The following PRKCA variants were observed in gnomAD, a reference collection of about 807,000 sequenced individuals.
PRKCA encodes protein kinase C alpha, also known as protein kinase C alpha type.
Under a neutral mutation model 87.0 loss-of-function variants are expected in PRKCA, and 27 were observed. The observed-to-expected ratio is 0.31, with a 90% CI of 0.23 to 0.43. PRKCA has a LOEUF of 0.43. PRKCA is among the 20% of genes least tolerant of loss of function. The probability of loss-of-function intolerance (pLI) is 1.00; values close to 1 mark genes in which losing one functional copy is unlikely to be tolerated. For missense variants in PRKCA, 518 were observed against 852.3 expected (o/e 0.61, Z 4.88); for synonymous variants, 329 against 311.1 (o/e 1.06, Z -0.61).
chr17:66,355,404 G>T (rs576081030), intron 2 of PRKCA, among the ~76,000 whole-genome samples: 523 of 152,310 alleles, frequency 3.4e-3, no homozygotes, highest in Non-Finnish European at 6.2e-3. Context: ...TGCTTGTGCA[G>T]TGGTGATGGA....
In PRKCA at chr17:66,786,110, G is replaced by A. The variant is rs1975385719; in HGVS notation, c.1606-757G>A. On this transcript the variant is annotated intron_variant, in intron 14 of 16. Transcript: ENST00000413366. Reference sequence around the variant, plus strand: ...CCCAAAGTGCTGGGATTACAGGCGTGAGCCACCGCGCCCGGCCTGGAGAAC... The same window carrying A: ...CCCAAAGTGCTGGGATTACAGGCGTAAGCCACCGCGCCCGGCCTGGAGAAC... Among the ~76,000 whole-genome samples the A allele has an allele frequency of 3.3e-5, 5 of 152,298 alleles. No homozygotes were observed. The South Asian group carries it at 1.0e-3, about 32-fold the overall frequency.
At chr17:66,314,995 A>G (rs944134388) in intron 2 of PRKCA, among the ~76,000 whole-genome samples, 2 of 151,716 alleles carry the variant, frequency 1.3e-5, no homozygotes, top group African/African-American at 2.4e-5. Flanking sequence ...GTGTATATAT[A>G]TGTGTATATA....
rs758032424 is a variant in PRKCA at position 66,396,432 on chromosome 17, C to T, written c.205+90305C>T. 5.3e-4 allele frequency among the ~76,000 whole-genome samples: 80 copies of T among 152,100 alleles called. 1 individual carries two copies. Among genetic ancestry groups the T allele is most frequent in the Admixed American group, 4.9e-3 (75 of 15,256 alleles). On this transcript the variant is annotated intron_variant, in intron 2 of 16. Transcript: ENST00000413366. ...GCCAATTTGAAAGAGAATAAATCAT[C>T]CATAATGCCATATCTTTACAGTCTT...
At chr17:66,352,404 T>C (rs144604467) in intron 2 of PRKCA, among the ~76,000 whole-genome samples, 2,079 of 152,116 alleles carry the variant, frequency 0.014, 54 homozygotes, top group African/African-American at 0.048. Flanking sequence ...GAGCAGGGCA[T>C]GGGCTCTGCA....
intron 8 of PRKCA, among the ~76,000 whole-genome samples, chr17:66,725,802 C>T (rs1001687015): frequency 7.5e-6 from 1 of 134,100 alleles, no homozygotes; most frequent in African/African-American, 2.6e-5. Context: ...AGAGTGAGAC[C>T]CTGTCTAGAA....
chr17:66,394,987 C>T (rs893801331), intron 2 of PRKCA, among the ~76,000 whole-genome samples: 7 of 152,320 alleles, frequency 4.6e-5, no homozygotes, highest in South Asian at 4.2e-4. Flanking sequence ...ATAATTGGAA[C>T]AGGCAGCATG....
At chr17:66,658,207 C>A (rs894663964) in intron 5 of PRKCA, among the ~76,000 whole-genome samples, 2 of 152,136 alleles carry the variant, frequency 1.3e-5, no homozygotes, top group African/African-American at 4.8e-5. Flanking sequence ...CAGCCGGGCA[C>A]AGTGGCTCAT....
intron 5 of PRKCA, among the ~76,000 whole-genome samples, chr17:66,664,692 C>T (rs1447693684): frequency 2.0e-5 from 2 of 98,392 alleles, no homozygotes; most frequent in Non-Finnish European, 3.7e-5. Flanking sequence ...CTTGCTGTTT[C>T]ACTCAGGCTG....
intron 2 of PRKCA, among the ~76,000 whole-genome samples, chr17:66,466,363 C>G (rs1915088798): frequency 6.6e-6 from 1 of 152,072 alleles, no homozygotes; most frequent in Non-Finnish European, 1.5e-5. Context: ...GAAGCCAGAC[C>G]CAGGGAGCCC....
chr17:66,691,040 C>A (rs962285362), intron 8 of PRKCA, among the ~76,000 whole-genome samples: 4 of 151,470 alleles, frequency 2.6e-5, no homozygotes, highest in Admixed American at 2.6e-4. Context: ...ATCACTTGAA[C>A]CTGGGCACGA....
chr17:66,493,099 T>C (rs1367295543), intron 2 of PRKCA, among the ~76,000 whole-genome samples: 1 of 152,244 alleles, frequency 6.6e-6, no homozygotes, highest in Non-Finnish European at 1.5e-5. Flanking sequence ...ATTTTCTTTT[T>C]TAAAATGTAT....
chr17:66,391,184 C>A (rs1183584882), intron 2 of PRKCA, among the ~76,000 whole-genome samples: 5 of 152,186 alleles, frequency 3.3e-5, no homozygotes, highest in Non-Finnish European at 5.9e-5. Context: ...AGGTTGTCGT[C>A]CCTACTGTTT....
At chr17:66,765,449 T>TATATATATATCC in intron 13 of PRKCA, among the ~76,000 whole-genome samples, 1 of 140,210 alleles carries the variant, frequency 7.1e-6, no homozygotes, top group Non-Finnish European at 1.5e-5. Context: ...TATATATATA[T>TATATATATATCC]ATATATCCAT....
chr17:66,379,210 A>T (rs1909649418), intron 2 of PRKCA, among the ~76,000 whole-genome samples: 1 of 152,182 alleles, frequency 6.6e-6, no homozygotes, highest in Admixed American at 6.6e-5. Flanking sequence ...TTCTGTGGTT[A>T]ACATTTTAAG....
intron 2 of PRKCA, among the ~76,000 whole-genome samples, chr17:66,477,260 A>G (rs1915573687): frequency 6.6e-6 from 1 of 152,194 alleles, no homozygotes; most frequent in Admixed American, 6.5e-5. Context: ...TGTTAAGAAA[A>G]ATTATTTAAA....
intron 3 of PRKCA, among the ~76,000 whole-genome samples, chr17:66,538,254 T>A (rs1967857321): frequency 6.6e-6 from 1 of 152,216 alleles, no homozygotes; most frequent in Non-Finnish European, 1.5e-5. Flanking sequence ...TCAGAGTTAC[T>A]TAACCACTCT....
intron 13 of PRKCA, among the ~76,000 whole-genome samples, chr17:66,759,647 AT>A (rs1974636360): frequency 6.6e-6 from 1 of 152,232 alleles, no homozygotes; most frequent in Non-Finnish European, 1.5e-5. Flanking sequence ...CAATTAGAAG[AT>A]TGCCAGACTA....
intron 3 of PRKCA, among the ~76,000 whole-genome samples, chr17:66,553,749 T>C (rs1968412773): frequency 1.3e-5 from 2 of 152,198 alleles, no homozygotes; most frequent in South Asian, 4.1e-4. Flanking sequence ...ATCTTGGAAG[T>C]GGATCCTTTC....
intron 2 of PRKCA, among the ~76,000 whole-genome samples, chr17:66,489,282 C>T (rs1916113349): frequency 6.8e-6 from 1 of 146,562 alleles, no homozygotes; most frequent in Non-Finnish European, 1.5e-5. Flanking sequence ...TTTAAAATGA[C>T]ATGGACTTGA....
Sources: gnomAD v4.1 joint callset for allele counts (sites outside exome capture counted in the v4.1 genomes callset) on GRCh38, gnomAD v4.1.1 for gene constraint, MANE v1.5 for transcripts, NCBI Gene and HGNC (gene_info 2026-07-23, HGNC 2026-07-21) for gene names.